The following PES1 variants were observed in gnomAD, a reference collection of about 807,000 sequenced individuals.
PES1 encodes the protein pescadillo ribosomal biogenesis factor 1.
A neutral mutation model predicts 77.1 loss-of-function variants in PES1; 31 were observed. The ratio of observed to expected loss-of-function variants is 0.40; its 90% confidence interval spans 0.30 to 0.54. The LOEUF is 0.54. Ranked by LOEUF, PES1 falls within the 20% of genes least tolerant of loss-of-function variation. PES1 has a pLI of 0.45. For synonymous variants in PES1, 282 were observed against 303.0 expected (o/e 0.93, Z 0.72); for missense variants, 658 against 771.7 (o/e 0.85, Z 1.75).
At chr22:30,584,230 C>T (rs1212415720) in intron 6 of PES1, 135 bp downstream of exon 6, 8 of 692,166 alleles carry the variant, frequency 1.2e-5, no homozygotes, top group Non-Finnish European at 2.0e-5. Flanking sequence ...CACATTCTGC[C>T]GCGCCTCACC....
At position 30,576,978 on chromosome 22, in the gene PES1, C is replaced by T. The variant is rs1326961909; in HGVS notation, c.*68G>A. ...GACTCTGGTCCATCACACTTAGGTC[C>T]TCTGGCCTGCCTCTGCCACATCCAG... On this transcript the variant is annotated 3_prime_UTR_variant, in exon 15 of 15. Coordinates refer to ENST00000354694, the MANE Select transcript of PES1 (RefSeq NM_014303.4). The T allele has an allele frequency of 3.8e-6, 5 of 1,321,856 alleles. No individual in the cohort carries two copies. The highest frequency in any genetic ancestry group is 5.5e-6 in the Non-Finnish European group (5 of 915,130). The allele number at this position is 1,321,856 out of a possible 1,614,324, so 81.9% of individuals were successfully genotyped here.
At chr22:30,580,869 T>C (rs1452958301) in intron 9 of PES1, 143 bp downstream of exon 9, 1 of 1,176,056 alleles carries the variant, frequency 8.5e-7, no homozygotes, top group African/African-American at 1.5e-5. Flanking sequence ...ATGTAAACTC[T>C]GATGACAATT....
chr22:30,589,106 TG>T, intron 2 of PES1, 84 bp downstream of exon 2: 1 of 960,644 alleles, frequency 1.0e-6, no homozygotes, highest in Non-Finnish European at 1.6e-6. Flanking sequence ...AGAATGGGTA[TG>T]GCAACTCAGG....
chr22:30,584,160 C>G, intron 6 of PES1: 1 of 596,498 alleles, frequency 1.7e-6, no homozygotes, highest in Non-Finnish European at 3.0e-6. Flanking sequence ...GGGCACGCAG[C>G]TGGCAGGTGC....
chr22:30,602,710 TAAA>T (rs2087374875), intron 2 of PES1, among the ~76,000 whole-genome samples: 1 of 152,114 alleles, frequency 6.6e-6, no homozygotes, highest in Non-Finnish European at 1.5e-5. Context: ...GTGTTGTATC[TAAA>T]AAGGCATCAC....
chr22:30,601,438 G>A (rs1440435430), intron 2 of PES1, among the ~76,000 whole-genome samples: 2 of 151,806 alleles, frequency 1.3e-5, no homozygotes, highest in African/African-American at 4.8e-5. Flanking sequence ...CCTCAGCCCC[G>A]AGTAGCTGGG....
upstream of PES1, among the ~76,000 whole-genome samples, chr22:30,593,829 G>A (rs1227981494): frequency 2.6e-5 from 4 of 152,188 alleles, no homozygotes; most frequent in Non-Finnish European, 4.4e-5. Context: ...GTAAGTGATC[G>A]CTGAAGATCA....
At chr22:30,579,546 G>T in intron 12 of PES1, 2 of 695,558 alleles carry the variant, frequency 2.9e-6, no homozygotes, top group Non-Finnish European at 4.8e-6. Context: ...AATGCAGCAT[G>T]TTCTTCTGCT....
At chr22:30,585,534 C>T (rs1348162195) in intron 4 of PES1, among the ~76,000 whole-genome samples, 2 of 152,126 alleles carry the variant, frequency 1.3e-5, no homozygotes, top group East Asian at 3.9e-4. Context: ...GACAGAGCTT[C>T]AAGCCTCTCT....
At position 30,581,366 on chromosome 22, in the gene PES1, T is replaced by C. The variant is rs42942; in HGVS notation, c.790A>G (p.Thr264Ala). 1 of 1,613,716 alleles carries C rather than the reference T, an allele frequency of 6.2e-7. No homozygotes were observed. The highest frequency in any genetic ancestry group is 1.3e-5 in the African/African-American group (1 of 75,050). ...CAACTCTCGGAGTCCAACGCGTAGG[T>C]GCCCTCACCGGCCTTTGCCTCTGCT... ...AQAEAKAGEG[T>A]YALDSESCME... The change falls in exon 8 of 15, where the codon ACC (threonine) becomes GCC (alanine). Residue 264 changes from threonine to alanine, a missense_variant. By Grantham distance (58) the Thr-to-Ala change is moderately conservative. Transcript: ENST00000354694.
At chr22:30,597,866 A>T (rs1040624048) in intron 2 of PES1, among the ~76,000 whole-genome samples, 3 of 139,608 alleles carry the variant, frequency 2.1e-5, no homozygotes, top group Non-Finnish European at 3.1e-5. Context: ...TTTTTTTTCC[A>T]CGCAGTTGAA....
intron 10 of PES1, 55 bp from the exon 11 acceptor site, chr22:30,580,233 A>G (rs1269108125): frequency 2.6e-6 from 4 of 1,563,628 alleles, no homozygotes. Context: ...GCCTGTCCTG[A>G]GACTCAGCTC....
At position 30,576,963 on chromosome 22, in the gene PES1, C is replaced by T. The variant is rs1214330164; in HGVS notation, c.*83G>A. On this transcript the variant is annotated 3_prime_UTR_variant, in exon 15 of 15. Transcript: ENST00000354694. ...AGGAGGAGGAGAAGTGACTCTGGTC[C>T]ATCACACTTAGGTCCTCTGGCCTGC... 1 of 1,105,452 alleles carries T rather than the reference C, an allele frequency of 9.0e-7. No homozygotes were observed. The highest frequency in any genetic ancestry group is 1.2e-5 in the South Asian group (1 of 80,450). The allele number at this position is 1,105,452 out of a possible 1,614,324, so 68.5% of individuals were successfully genotyped here.
chr22:30,583,118 G>T (rs1452101653), intron 6 of PES1, among the ~76,000 whole-genome samples: 1 of 152,154 alleles, frequency 6.6e-6, no homozygotes, highest in African/African-American at 2.4e-5. Context: ...AGCAGCATGG[G>T]GGCAGGACAT....
intron 2 of PES1, among the ~76,000 whole-genome samples, chr22:30,602,326 C>T (rs1010565520): frequency 3.9e-5 from 6 of 152,046 alleles, no homozygotes; most frequent in Non-Finnish European, 5.9e-5. Flanking sequence ...CTTTCTGCCA[C>T]GATTGCAAGT....
chr22:30,585,146 G>T (rs1447064595), intron 4 of PES1: 1 of 415,372 alleles, frequency 2.4e-6, no homozygotes, highest in South Asian at 1.8e-5. Flanking sequence ...AGCGGGGTGG[G>T]GGCTGCTTCC....
upstream of PES1, among the ~76,000 whole-genome samples, chr22:30,595,436 G>T (rs902390033): frequency 1.3e-5 from 2 of 151,564 alleles, no homozygotes; most frequent in African/African-American, 4.9e-5. Flanking sequence ...TACTCAGGAG[G>T]CTGAGGCAGA....
chr22:30,587,503 G>A, intron 3 of PES1, 108 bp from the exon 4 acceptor site: 1 of 772,496 alleles, frequency 1.3e-6, no homozygotes, highest in Non-Finnish European at 2.1e-6. Context: ...GCCTCCTGAA[G>A]CTGGCCACGG....
chr22:30,606,001 T>A (rs5753230), intron 1 of PES1, among the ~76,000 whole-genome samples: 94,932 of 152,068 alleles, frequency 0.62, 31,102 homozygotes, highest in African/African-American at 0.82. Flanking sequence ...TAACCCTCTC[T>A]TCTCACACAG....
Sources: gnomAD v4.1 joint callset for allele counts (sites outside exome capture counted in the v4.1 genomes callset) on GRCh38, gnomAD v4.1.1 for gene constraint, MANE v1.5 for transcripts, NCBI Gene and HGNC (gene_info 2026-07-23, HGNC 2026-07-21) for gene names.